The following GFPT1 variants were observed in gnomAD, a reference collection of about 807,000 sequenced individuals.
GFPT1 encodes the protein glutamine--fructose-6-phosphate aminotransferase [isomerizing] 1.
Under a neutral mutation model 92.0 loss-of-function variants are expected in GFPT1, and 40 were observed. The observed-to-expected ratio is 0.43, with a 90% CI of 0.34 to 0.57. The LOEUF (loss-of-function observed/expected upper bound fraction) is 0.57, where lower values mean the gene tolerates loss of function less well. GFPT1 is among the 20% of genes least tolerant of loss of function. The pLI is 0.02. For synonymous variants in GFPT1, 269 were observed against 280.6 expected, an observed-to-expected ratio of 0.96 and a Z score of 0.41; for missense variants, 448 against 869.1, an observed-to-expected ratio of 0.52 and a Z score of 6.09.
chr2:69,356,596 A>G, intron 6 of GFPT1, 39 bp from the exon 7 acceptor site: 1 of 1,456,250 alleles, frequency 6.9e-7, no homozygotes, highest in Non-Finnish European at 9.7e-7. Context: ...TATTTAATCA[A>G]TTATCAAGTC....
chr2:69,346,988 C>T (rs1671098416), intron 11 of GFPT1, among the ~76,000 whole-genome samples: 1 of 152,116 alleles, frequency 6.6e-6, no homozygotes. Flanking sequence ...CACCTCACTG[C>T]AACCTCTGCC....
intron 19 of GFPT1, 47 bp downstream of exon 19, chr2:69,326,867 C>A: frequency 6.4e-7 from 1 of 1,564,424 alleles, no homozygotes; most frequent in Non-Finnish European, 8.8e-7. Flanking sequence ...CAGAATGTAT[C>A]CAGGTAAAAA....
chr2:69,361,320 C>T (rs1019045254), intron 4 of GFPT1, among the ~76,000 whole-genome samples: 2 of 151,504 alleles, frequency 1.3e-5, no homozygotes, highest in African/African-American at 4.9e-5. Flanking sequence ...TGGTGTCAGG[C>T]GCCTGTAATT....
intron 15 of GFPT1, among the ~76,000 whole-genome samples, chr2:69,332,814 G>A (rs942496231): frequency 3.9e-5 from 6 of 151,978 alleles, no homozygotes; most frequent in Non-Finnish European, 5.9e-5. Flanking sequence ...ATTATATGCT[G>A]AATTTCTATT....
Position 69,327,016 on chromosome 2 carries a change from T to G in GFPT1, c.1953A>C (p.Arg651Ser). Residue 651 changes from arginine (R) to serine (S), a missense_variant, in exon 19 of 20, where the codon AGA becomes AGC. Arg to Ser is a moderately radical substitution (Grantham distance 110). This residue lies in a region of GFPT1 where 55 missense variants were observed against 98.8 expected (regional missense o/e 0.56). Transcript: ENST00000357308. The part of the protein sequence containing the change: ...EDTETIKNTK[R>S]TIKVPHSVDC... ...CCACTGAGTGGGGCACCTTGATCGT[T>G]CTTTTTGTGTTCTTAATGGTCTCAG... 6.2e-7 allele frequency: 1 copy of G among 1,614,174 alleles called. No homozygotes were observed. Among genetic ancestry groups the G allele is most frequent in the Non-Finnish European group, 8.5e-7 (1 of 1,180,014 alleles).
At chr2:69,330,843 G>C (rs556339719) in intron 15 of GFPT1, among the ~76,000 whole-genome samples, 1 of 152,030 alleles carries the variant, frequency 6.6e-6, no homozygotes, top group Non-Finnish European at 1.5e-5. Context: ...TTATAACCTT[G>C]AGCAGTTTTC....
intron 1 of GFPT1, among the ~76,000 whole-genome samples, chr2:69,380,067 G>A (rs978575969): frequency 8.5e-5 from 13 of 152,092 alleles, no homozygotes; most frequent in African/African-American, 1.4e-4. Context: ...GCCAGATGCC[G>A]TGGCTCACGC....
At chr2:69,355,354 AG>A (rs1375209283) in intron 7 of GFPT1, among the ~76,000 whole-genome samples, 1 of 152,074 alleles carries the variant, frequency 6.6e-6, no homozygotes, top group Non-Finnish European at 1.5e-5. Context: ...CTGGGATTAC[AG>A]GCATGAGTCA....
intron 9 of GFPT1, among the ~76,000 whole-genome samples, chr2:69,352,993 C>T (rs1671248973): frequency 6.6e-6 from 1 of 152,192 alleles, no homozygotes; most frequent in African/African-American, 2.4e-5. Context: ...TTGCAGTGAG[C>T]CAAGATCATG....
In GFPT1 at chr2:69,321,959, G is replaced by C. The variant is rs555260998; in HGVS notation, c.*4230C>G. On this transcript the variant is annotated 3_prime_UTR_variant, in exon 20 of 20. Coordinates refer to ENST00000357308, the MANE Select transcript of GFPT1 (RefSeq NM_001244710.2). ...TTTATTTTAACCCTGGATATTATTG[G>C]TTTGAAGCTAATATTATCAGTCCTA... 2 of 152,036 alleles carry C rather than the reference G, an allele frequency of 1.3e-5. No homozygotes were observed. Among genetic ancestry groups the C allele is most frequent in the Non-Finnish European group, 2.9e-5 (2 of 68,000 alleles). The allele number at this position is 152,036 out of a possible 1,614,324, so 9.4% of individuals were successfully genotyped here. A position where few individuals can be genotyped will look rare whatever the true frequency, so the allele number is the denominator to read the frequency against.
At chr2:69,359,095 T>C (rs904914539) in intron 5 of GFPT1, among the ~76,000 whole-genome samples, 173 bp downstream of exon 5, 3 of 152,180 alleles carry the variant, frequency 2.0e-5, no homozygotes, top group African/African-American at 4.8e-5. Flanking sequence ...AAAAACACAA[T>C]TGTTCCACTG....
In GFPT1 at chr2:69,333,791, A is replaced by T. The variant is rs1054175760; in HGVS notation, c.1483-3993T>A. Among the ~76,000 whole-genome samples, 8 of 152,288 alleles carry T rather than the reference A, an allele frequency of 5.3e-5. 1 individual carries two copies. The highest frequency in any genetic ancestry group is 6.5e-5 in the Admixed American group (1 of 15,294). On this transcript the variant is annotated intron_variant, in intron 15 of 19. Coordinates refer to ENST00000357308, the MANE Select transcript of GFPT1 (RefSeq NM_001244710.2). ...CTAATCCTGACAGTTTTTCAGGCAA[A>T]GTTGAGAATTTACAGGCAAGATCAC...
chr2:69,371,080 T>TC (rs1475403796), intron 2 of GFPT1, among the ~76,000 whole-genome samples: 3 of 148,298 alleles, frequency 2.0e-5, no homozygotes, highest in South Asian at 2.1e-4. Context: ...TCTTTTCTTT[T>TC]TTTTTTTTTT....
chr2:69,344,208 A>C (rs1462324879), intron 12 of GFPT1, among the ~76,000 whole-genome samples: 1 of 140,514 alleles, frequency 7.1e-6, no homozygotes, highest in East Asian at 2.1e-4. Context: ...AAAAAAAAAA[A>C]AGGCAGACCA....
intron 2 of GFPT1, among the ~76,000 whole-genome samples, chr2:69,371,687 A>C (rs979132227): frequency 1.4e-5 from 2 of 142,192 alleles, no homozygotes; most frequent in East Asian, 4.5e-4. Flanking sequence ...AATACAAAAA[A>C]TTAGCCGGGC....
intron 2 of GFPT1, among the ~76,000 whole-genome samples, chr2:69,373,261 T>C (rs775391499): frequency 1.1e-4 from 17 of 152,110 alleles, no homozygotes; most frequent in African/African-American, 4.1e-4. Flanking sequence ...TCTGACATAG[T>C]TGAGGGAAGG....
chr2:69,358,314 A>C lies in GFPT1; in HGVS notation c.543+15T>G, dbSNP rs1671390051. 6.2e-7 allele frequency: 1 copy of C among 1,606,400 alleles called. No individual in the cohort carries two copies. The highest frequency in any genetic ancestry group is 1.1e-5 in the South Asian group (1 of 90,848). ...TAATGTTGGCATAATTATCTTTAAA[A>C]ATGTGGCTTAATACCAATTGTTGGA... On this transcript the variant is annotated intron_variant, in intron 6 of 19. Transcript: ENST00000357308.
chr2:69,373,864 A>T lies in GFPT1; in HGVS notation c.115+142T>A. The T allele has an allele frequency of 5.7e-6, 3 of 528,758 alleles. No homozygotes were observed. In the South Asian group the frequency reaches 5.9e-5, roughly 10 times the overall value. The allele number at this position is 528,758 out of a possible 1,614,324, so 32.8% of individuals were successfully genotyped here. On this transcript the variant is annotated intron_variant, in intron 2 of 19. Coordinates refer to ENST00000357308, the MANE Select transcript of GFPT1 (RefSeq NM_001244710.2). ...TTGAGATTACATAAATAAATCCTTT[A>T]AATATGATAAAAGACAAAAATTCTT...
Position 69,323,678 on chromosome 2 carries a change from AT to A in GFPT1, c.*2510del, listed in dbSNP as rs370178312. ...CATGCCCAGCCCATTTAAAAAAAAA[AT>A]TTTTTTTTTTTTTTTTTGAGAGAGT... is the stretch of plus-strand genomic sequence containing the variant. On this transcript the variant is annotated 3_prime_UTR_variant, in exon 20 of 20. Coordinates refer to ENST00000357308, the MANE Select transcript of GFPT1 (RefSeq NM_001244710.2). The A allele has an allele frequency of 0.63, 83,711 of 133,282 alleles. 26,455 individuals carry two copies. Among genetic ancestry groups the A allele is most frequent in the African/African-American group, 0.79 (27,218 of 34,588 alleles). The allele number at this position is 133,282 out of a possible 1,614,324, so 8.3% of individuals were successfully genotyped here.
Sources: gnomAD v4.1 joint callset for allele counts (sites outside exome capture counted in the v4.1 genomes callset) on GRCh38, gnomAD v4.1.1 for gene constraint, gnomAD v4.1.1 regional missense constraint, MANE v1.5 for transcripts, NCBI Gene and HGNC (gene_info 2026-07-23, HGNC 2026-07-21) for gene names.